Variants in ARHGEF4 observed in about 807,000 individuals in gnomAD.
ARHGEF4 encodes the protein Rho guanine nucleotide exchange factor 4, also known as APC-stimulated guanine nucleotide exchange factor 1.
Under a neutral mutation model 162.0 loss-of-function variants are expected in ARHGEF4, and 119 were observed. The observed-to-expected ratio is 0.73, with a 90% CI of 0.63 to 0.86. ARHGEF4 has a LOEUF of 0.86. Ranked by LOEUF, ARHGEF4 falls within the 40% of genes least tolerant of loss-of-function variation. The probability of loss-of-function intolerance (pLI) is 0.00; values close to 1 mark genes in which losing one functional copy is unlikely to be tolerated. For synonymous variants in ARHGEF4, 1,014 were observed against 979.9 expected (o/e 1.03, Z -0.65); for missense variants, 2,488 against 2,456.0 (o/e 1.01, Z -0.28).
chr2:130,844,602 C>T (rs906346657), intron 1 of ARHGEF4, among the ~76,000 whole-genome samples: 1 of 152,158 alleles, frequency 6.6e-6, no homozygotes, highest in African/African-American at 2.4e-5. Context: ...AGCTGCCCCT[C>T]TTCCCAGGGT....
At chr2:131,045,938 C>G (rs148432570) in intron 13 of ARHGEF4, 100 bp from the exon 14 acceptor site, 48 of 1,509,136 alleles carry the variant, frequency 3.2e-5, no homozygotes, top group Non-Finnish European at 4.2e-5. Context: ...TACGGCGGCT[C>G]TGAAGCAGAG....
Position 130,915,253 on chromosome 2 carries a change from G to C in ARHGEF4, c.1307G>C (p.Cys436Ser), listed in dbSNP as rs1681410675. 3 of 1,550,496 alleles carry C rather than the reference G, an allele frequency of 1.9e-6. No homozygotes were observed. Among genetic ancestry groups the C allele is most frequent in the Non-Finnish European group, 1.7e-6 (2 of 1,147,014 alleles). The change falls in exon 2 of 14, where the codon TGT becomes TCT. Residue 436 changes from cysteine to serine, a missense_variant. This residue lies in a region of ARHGEF4 where 1,642 missense variants were observed against 1,481.5 expected (regional missense o/e 1.11). Coordinates refer to ENST00000409359, the MANE Select transcript of ARHGEF4 (RefSeq NM_001367493.1). ...CAGTTAAGACAGGATTCCAGGTCATGTCTGGTGGCTTCATGCCTCACCTCA... is the reference window on the plus strand; with the variant it reads ...CAGTTAAGACAGGATTCCAGGTCATCTCTGGTGGCTTCATGCCTCACCTCA... ...ENQLRQDSRSCLVASCLTSEL... is the reference protein window; with the variant it reads ...ENQLRQDSRSSLVASCLTSEL...
At chr2:130,866,936 A>C (rs1415843338) in intron 1 of ARHGEF4, among the ~76,000 whole-genome samples, 2 of 152,190 alleles carry the variant, frequency 1.3e-5, no homozygotes, top group Non-Finnish European at 2.9e-5. Flanking sequence ...ACTGCAAATA[A>C]ACGGTATCAT....
intron 4 of ARHGEF4, among the ~76,000 whole-genome samples, chr2:130,951,158 T>A (rs1683935603): frequency 1.3e-5 from 2 of 152,218 alleles, no homozygotes; most frequent in Non-Finnish European, 2.9e-5. Flanking sequence ...CCACTAAAAC[T>A]TTCTTCCTAT....
At chr2:131,001,753 G>A (rs1267030816) in intron 4 of ARHGEF4, among the ~76,000 whole-genome samples, 1 of 152,174 alleles carries the variant, frequency 6.6e-6, no homozygotes, top group Non-Finnish European at 1.5e-5. Context: ...AAGGATACAT[G>A]TAGGACGATC....
chr2:130,874,817 G>A (rs889456623), intron 1 of ARHGEF4, among the ~76,000 whole-genome samples: 17 of 151,996 alleles, frequency 1.1e-4, no homozygotes, highest in African/African-American at 3.9e-4. Flanking sequence ...ACAGATCTGC[G>A]GTCCATTTCT....
chr2:130,851,467 G>A (rs1005010607), intron 1 of ARHGEF4, among the ~76,000 whole-genome samples: 3 of 152,248 alleles, frequency 2.0e-5, no homozygotes, highest in African/African-American at 4.8e-5. Context: ...AACCGGGTGC[G>A]GTTCATGCGG....
chr2:130,929,956 A>G (rs1203859940), intron 2 of ARHGEF4: 1 of 151,292 alleles, frequency 6.6e-6, no homozygotes. Flanking sequence ...GCTGTGGCGC[A>G]ATCTCGGCTC....
At chr2:130,913,808 T>C (rs2105051851) in intron 1 of ARHGEF4, among the ~76,000 whole-genome samples, 178 bp from the exon 2 acceptor site, 1 of 152,356 alleles carries the variant, frequency 6.6e-6, no homozygotes, top group South Asian at 2.1e-4. Flanking sequence ...GCTTCATCAC[T>C]TGTTTTCCAT....
chr2:131,037,531 C>T (rs547987370), intron 5 of ARHGEF4, among the ~76,000 whole-genome samples: 8 of 152,216 alleles, frequency 5.3e-5, no homozygotes, highest in East Asian at 1.9e-4. Context: ...CATCCTTGAC[C>T]GCCCCCACAG....
intron 1 of ARHGEF4, among the ~76,000 whole-genome samples, chr2:130,849,353 A>G (rs1333719382): frequency 6.6e-6 from 1 of 152,102 alleles, no homozygotes; most frequent in Non-Finnish European, 1.5e-5. Context: ...TCTGTGCCCT[A>G]TAGGGAGGGT....
intron 4 of ARHGEF4, among the ~76,000 whole-genome samples, chr2:130,976,112 T>G (rs1685686172): frequency 6.6e-6 from 1 of 152,110 alleles, no homozygotes. Flanking sequence ...AGTGAGGGAA[T>G]GGACACATGG....
intron 4 of ARHGEF4, among the ~76,000 whole-genome samples, chr2:131,019,825 G>A (rs4355133): frequency 0.044 from 6,626 of 152,086 alleles, 132 homozygotes; most frequent in Non-Finnish European, 0.057. Context: ...TAGTAAAGAC[G>A]GGGTTTCACT....
chr2:131,013,428 G>A (rs950722888), intron 4 of ARHGEF4, among the ~76,000 whole-genome samples: 1 of 152,186 alleles, frequency 6.6e-6, no homozygotes, highest in Non-Finnish European at 1.5e-5. Flanking sequence ...GCCTGATGAT[G>A]CTTGGATGGT....
At chr2:130,879,066 GA>G (rs1215175029) in intron 1 of ARHGEF4, among the ~76,000 whole-genome samples, 1 of 152,212 alleles carries the variant, frequency 6.6e-6, no homozygotes, top group East Asian at 1.9e-4. Context: ...GAAGAGCAAA[GA>G]AGCAGGCATG....
intron 4 of ARHGEF4, among the ~76,000 whole-genome samples, chr2:131,009,176 G>A (rs577165048): frequency 4.6e-5 from 7 of 152,254 alleles, no homozygotes; most frequent in South Asian, 4.1e-4. Context: ...CCAGGGACAC[G>A]CACCTCCTTC....
At chr2:131,040,217 A>C (rs373443714) in intron 7 of ARHGEF4, 25 bp downstream of exon 7, 3 of 1,608,756 alleles carry the variant, frequency 1.9e-6, no homozygotes, top group Non-Finnish European at 2.5e-6. Context: ...GCGGGCGGTG[A>C]CTGGGGACCC....
rs1039674195 is a variant in ARHGEF4, at chr2:130,913,288, G to A, written c.40-698G>A. ...AGTCTAGATTTTTATCATGGTGGTA[G>A]TTACAGGAATGTACTCAGTTTTCAA... On this transcript the variant is annotated intron_variant, in intron 1 of 13. Coordinates refer to ENST00000409359, the MANE Select transcript of ARHGEF4 (RefSeq NM_001367493.1). Among the ~76,000 whole-genome samples the A allele has an allele frequency of 2.6e-5, 4 of 152,336 alleles. No individual in the cohort carries two copies. The Middle Eastern group carries it at 0.01, about 389-fold the overall frequency.
intron 2 of ARHGEF4, among the ~76,000 whole-genome samples, chr2:130,927,061 C>T (rs971262175): frequency 3.3e-5 from 5 of 151,518 alleles, no homozygotes; most frequent in South Asian, 2.1e-4. Context: ...TGGTCAGAGA[C>T]GTTATTTGTG....
Sources: gnomAD v4.1 joint callset for allele counts (sites outside exome capture counted in the v4.1 genomes callset) on GRCh38, gnomAD v4.1.1 for gene constraint, gnomAD v4.1.1 regional missense constraint, MANE v1.5 for transcripts, NCBI Gene and HGNC (gene_info 2026-07-23, HGNC 2026-07-21) for gene names.